Variants in MOB3B observed in about 807,000 individuals in gnomAD.
MOB3B encodes MOB kinase activator 3B.
In MOB3B, 7 loss-of-function variants were observed where a neutral mutation model predicts 18.7. That is an observed-to-expected ratio of 0.37 (90% CI 0.21 to 0.70). The LOEUF is 0.70. Ranked by LOEUF, MOB3B falls within the 30% of genes least tolerant of loss-of-function variation. The pLI is 0.52. For synonymous variants in MOB3B, 111 were observed against 99.9 expected (o/e 1.11, Z -0.66); for missense variants, 253 against 281.3 (o/e 0.90, Z 0.72).
chr9:27,452,776 T>C (rs1822810062), intron 2 of MOB3B, among the ~76,000 whole-genome samples: 1 of 152,204 alleles, frequency 6.6e-6, no homozygotes, highest in African/African-American at 2.4e-5. Flanking sequence ...GAATAACAAA[T>C]ACTGCATAGT....
At chr9:27,338,738 C>T (rs1009833565) in intron 3 of MOB3B, among the ~76,000 whole-genome samples, 1 of 152,218 alleles carries the variant, frequency 6.6e-6, no homozygotes, top group East Asian at 1.9e-4. Context: ...GCTGTCCAAA[C>T]GAGGCTGGCT....
At chr9:27,488,444 G>A (rs1819763443) in intron 1 of MOB3B, among the ~76,000 whole-genome samples, 1 of 152,168 alleles carries the variant, frequency 6.6e-6, no homozygotes, top group Non-Finnish European at 1.5e-5. Context: ...GTCTCGCTCT[G>A]TTGCCCAGGC....
Position 27,355,960 on chromosome 9 carries a change from T to A in MOB3B, c.621+3074A>T, listed in dbSNP as rs909426406. Among the ~76,000 whole-genome samples, 13 of 152,210 alleles carry A rather than the reference T, an allele frequency of 8.5e-5. 1 individual carries two copies. Among genetic ancestry groups the A allele is most frequent in the African/African-American group, 3.1e-4 (13 of 41,446 alleles). On this transcript the variant is annotated intron_variant, in intron 3 of 3. Coordinates refer to ENST00000262244, the MANE Select transcript of MOB3B (RefSeq NM_024761.5). Reference sequence around the variant, plus strand: ...AGGTGCATTGCAACAGTATTAGCAGTTAGGCATCCTAGCACTGTCAACTGT... The same window carrying A: ...AGGTGCATTGCAACAGTATTAGCAGATAGGCATCCTAGCACTGTCAACTGT...
chr9:27,388,327 G>A (rs1821674835), intron 2 of MOB3B, among the ~76,000 whole-genome samples: 1 of 152,186 alleles, frequency 6.6e-6, no homozygotes, highest in Non-Finnish European at 1.5e-5. Flanking sequence ...AGCTCCCAGA[G>A]ACAGAGGCTG....
chr9:27,364,748 G>T (rs1821319461), intron 2 of MOB3B, among the ~76,000 whole-genome samples: 1 of 149,242 alleles, frequency 6.7e-6, no homozygotes, highest in African/African-American at 2.6e-5. Context: ...CATCTAAAAG[G>T]TTTAGCTTAC....
chr9:27,453,104 A>G (rs892683856), intron 2 of MOB3B, among the ~76,000 whole-genome samples: 1 of 152,194 alleles, frequency 6.6e-6, no homozygotes, highest in African/African-American at 2.4e-5. Flanking sequence ...TATAAACAAA[A>G]GTTTGACAAC....
At chr9:27,446,551 A>G (rs190081676) in intron 2 of MOB3B, among the ~76,000 whole-genome samples, 1 of 152,084 alleles carries the variant, frequency 6.6e-6, no homozygotes, top group Non-Finnish European at 1.5e-5. Context: ...TGGATGATCA[A>G]CTCCACAGCC....
At chr9:27,410,480 A>AT (rs149073262) in intron 2 of MOB3B, among the ~76,000 whole-genome samples, 11,303 of 147,590 alleles carry the variant, frequency 0.077, 485 homozygotes, top group South Asian at 0.13. Flanking sequence ...CCTAGAAAAG[A>AT]TTTTTTTTTT....
intron 2 of MOB3B, among the ~76,000 whole-genome samples, chr9:27,407,978 T>A (rs1434135233): frequency 6.6e-6 from 1 of 152,154 alleles, no homozygotes; most frequent in Non-Finnish European, 1.5e-5. Context: ...CTAGCTGGTA[T>A]CTCCACTGAA....
At chr9:27,505,843 C>A (rs1449897958) in intron 1 of MOB3B, among the ~76,000 whole-genome samples, 2 of 152,196 alleles carry the variant, frequency 1.3e-5, no homozygotes, top group African/African-American at 4.8e-5. Flanking sequence ...TGCCTGGAAA[C>A]TCATTTCCCG....
chr9:27,393,906 G>A (rs576780469), intron 2 of MOB3B, among the ~76,000 whole-genome samples: 131 of 152,254 alleles, frequency 8.6e-4, no homozygotes, highest in African/African-American at 3.1e-3. Context: ...ATAAAGATAA[G>A]ATAGAAAAGA....
intron 2 of MOB3B, among the ~76,000 whole-genome samples, chr9:27,370,954 G>A (rs932412263): frequency 7.9e-5 from 12 of 152,256 alleles, no homozygotes; most frequent in African/African-American, 1.7e-4. Context: ...TAACGCTACC[G>A]TGAACATTAA....
At chr9:27,351,152 C>A (rs1193862451) in intron 3 of MOB3B, among the ~76,000 whole-genome samples, 1 of 152,202 alleles carries the variant, frequency 6.6e-6, no homozygotes, top group Non-Finnish European at 1.5e-5. Context: ...ATCCACCCGC[C>A]TAGGCCTCCC....
intron 1 of MOB3B, among the ~76,000 whole-genome samples, chr9:27,470,143 C>G (rs988905089): frequency 7.5e-6 from 1 of 133,924 alleles, no homozygotes; most frequent in Non-Finnish European, 1.7e-5. Context: ...AGAAAACTAC[C>G]CCAACTTAAC....
In MOB3B at chr9:27,521,148, A is replaced by T. The variant is rs570292364; in HGVS notation, c.-199+8407T>A. ...AGAACATGCCTGCTTCTTCAACCAC[A>T]GCCTCCTCGAGATCATGCACTACAA... On this transcript the variant is annotated intron_variant, in intron 1 of 3. Transcript: ENST00000262244. Among the ~76,000 whole-genome samples, 56 of 152,324 alleles carry T rather than the reference A, an allele frequency of 3.7e-4. 1 individual carries two copies. In the South Asian group the frequency reaches 0.012, roughly 32 times the overall value.
intron 1 of MOB3B, among the ~76,000 whole-genome samples, chr9:27,473,649 G>A (rs1156775225): frequency 6.6e-6 from 1 of 152,142 alleles, no homozygotes; most frequent in Non-Finnish European, 1.5e-5. Context: ...AACAGGGGAT[G>A]TTGGTGATGG....
At position 27,489,598 on chromosome 9, in the gene MOB3B, C is replaced by T. The variant is rs373767203; in HGVS notation, c.-198-33850G>A. On this transcript the variant is annotated intron_variant, in intron 1 of 3. Transcript: ENST00000262244. ...GTGGTGAGGCATAAATTTCCCTAAT[C>T]GGAAGATAAAGGCTAACCACGTATG... Among the ~76,000 whole-genome samples the T allele has an allele frequency of 9.2e-5, 14 of 152,200 alleles. No individual in the cohort carries two copies. In the East Asian group the frequency reaches 2.3e-3, roughly 25 times the overall value.
chr9:27,351,711 A>C (rs1821107418), intron 3 of MOB3B, among the ~76,000 whole-genome samples: 1 of 152,200 alleles, frequency 6.6e-6, no homozygotes, highest in South Asian at 2.1e-4. Flanking sequence ...TTCTTTTCAC[A>C]GTCCTGACTT....
At chr9:27,385,653 G>C (rs1373805922) in intron 2 of MOB3B, among the ~76,000 whole-genome samples, 2 of 152,218 alleles carry the variant, frequency 1.3e-5, no homozygotes, top group East Asian at 3.9e-4. Flanking sequence ...ACTTTCTGCA[G>C]GGCAGGTCCA....
Sources: gnomAD v4.1 joint callset for allele counts (sites outside exome capture counted in the v4.1 genomes callset) on GRCh38, gnomAD v4.1.1 for gene constraint, MANE v1.5 for transcripts, NCBI Gene and HGNC (gene_info 2026-07-23, HGNC 2026-07-21) for gene names.